TMC1: variants seen among roughly 807,000 people sequenced by gnomAD.
TMC1 encodes transmembrane channel-like protein 1.
In TMC1, 84 loss-of-function variants were observed where a neutral mutation model predicts 105.8. That is an observed-to-expected ratio of 0.79 (90% CI 0.67 to 0.95). TMC1 has a LOEUF of 0.95. Among genes scored for constraint, TMC1 ranks in the 40% least tolerant of loss-of-function variants. TMC1 has a pLI of 0.00. For missense variants in TMC1, 817 were observed against 914.1 expected (o/e 0.89, Z 1.37); for synonymous variants, 315 against 311.5 (o/e 1.01, Z -0.12).
intron 3 of TMC1, among the ~76,000 whole-genome samples, chr9:72,622,840 C>T (rs1251868022): frequency 6.6e-6 from 1 of 151,972 alleles, no homozygotes. Flanking sequence ...CACCTGAGGT[C>T]AGGAGTTTAA....
At chr9:72,814,239 C>A (rs1224716774) in intron 18 of TMC1, among the ~76,000 whole-genome samples, 2 of 152,144 alleles carry the variant, frequency 1.3e-5, no homozygotes, top group Non-Finnish European at 2.9e-5. Context: ...TACGGGCCAA[C>A]CGAGTAAGCA....
Position 72,648,678 on chromosome 9 carries a change from C to A in TMC1, c.16+14C>A, listed in dbSNP as rs1390422060. The A allele has an allele frequency of 6.2e-7, 1 of 1,608,740 alleles. No homozygotes were observed. The highest frequency in any genetic ancestry group is 1.7e-5 in the Admixed American group (1 of 60,006). On this transcript the variant is annotated intron_variant, in intron 5 of 23. Transcript: ENST00000297784. ...CACCCAAAAAAGGTATTTACAAAAT[C>A]AAGACTGTCTGTAGGACACTATGTC...
chr9:72,803,192 A>G (rs1218898713), intron 17 of TMC1, among the ~76,000 whole-genome samples: 1 of 152,220 alleles, frequency 6.6e-6, no homozygotes, highest in Non-Finnish European at 1.5e-5. Context: ...CAGAAAATTG[A>G]AATGGGACCC....
intron 8 of TMC1, among the ~76,000 whole-genome samples, chr9:72,720,448 T>C (rs1182035640): frequency 6.6e-6 from 1 of 152,202 alleles, no homozygotes. Flanking sequence ...GGACCACACT[T>C]CTGTATCCTG....
chr9:72,708,721 A>C (rs1826785431), intron 8 of TMC1, among the ~76,000 whole-genome samples: 1 of 151,992 alleles, frequency 6.6e-6, no homozygotes, highest in Non-Finnish European at 1.5e-5. Flanking sequence ...AAACAGTGAC[A>C]GTTTCACCTC....
At chr9:72,721,237 C>T (rs1490087186) in intron 8 of TMC1, among the ~76,000 whole-genome samples, 1 of 152,138 alleles carries the variant, frequency 6.6e-6, no homozygotes, top group African/African-American at 2.4e-5. Context: ...GTTCCTCCTC[C>T]CCTTTCCTGC....
At chr9:72,624,195 A>G (rs1348461161) in intron 3 of TMC1, among the ~76,000 whole-genome samples, 1 of 152,116 alleles carries the variant, frequency 6.6e-6, no homozygotes, top group East Asian at 1.9e-4. Flanking sequence ...CTCAAATATG[A>G]CCATGCATAG....
rs1470896062 is a variant in TMC1, at chr9:72,789,321, C to T, written c.1224+4C>T. 9 of 1,613,098 alleles carry T rather than the reference C, an allele frequency of 5.6e-6. No individual in the cohort carries two copies. The highest frequency in any genetic ancestry group is 1.6e-4 in the Middle Eastern group (1 of 6,078). ...TGGGTGGTGGGAAAAAAATGAAGTT[C>T]GTCTCTGCATGCTTTTTATGTGCTT... On this transcript the variant is annotated splice_donor_region_variant and intron_variant, in intron 15 of 23. Transcript: ENST00000297784.
intron 21 of TMC1, among the ~76,000 whole-genome samples, chr9:72,829,309 T>G (rs146304763): frequency 1.2e-4 from 18 of 152,356 alleles, no homozygotes; most frequent in Admixed American, 1.2e-3. Flanking sequence ...GTTAGTTCTC[T>G]GCAGGCAGTT....
At chr9:72,600,313 CCT>C (rs1216889468) in intron 2 of TMC1, among the ~76,000 whole-genome samples, 1 of 152,148 alleles carries the variant, frequency 6.6e-6, no homozygotes, top group Non-Finnish European at 1.5e-5. Context: ...GTGTCACGTG[CCT>C]ATACTAGCTT....
chr9:72,784,283 T>A (rs1354649661), intron 13 of TMC1, among the ~76,000 whole-genome samples: 1 of 152,092 alleles, frequency 6.6e-6, no homozygotes, highest in African/African-American at 2.4e-5. Flanking sequence ...AACAGACACT[T>A]CTCAAAAGAA....
chr9:72,656,287 T>C (rs1825883970), intron 5 of TMC1: 1 of 251,058 alleles, frequency 4.0e-6, no homozygotes, highest in Admixed American at 4.4e-5. Context: ...CCACAACACC[T>C]ACGACCACCT....
chr9:72,818,172 C>A (rs1365293725), intron 19 of TMC1, among the ~76,000 whole-genome samples: 3 of 152,118 alleles, frequency 2.0e-5, no homozygotes, highest in African/African-American at 4.8e-5. Flanking sequence ...AATGCCTGAG[C>A]TTAACCATTT....
intron 8 of TMC1, among the ~76,000 whole-genome samples, chr9:72,712,617 T>G (rs1205166884): frequency 6.6e-6 from 1 of 152,222 alleles, no homozygotes; most frequent in Non-Finnish European, 1.5e-5. Context: ...ACATTGATTT[T>G]GTATCCTGAG....
At chr9:72,533,483 G>A (rs1057421628) in intron 1 of TMC1, among the ~76,000 whole-genome samples, 70 of 152,272 alleles carry the variant, frequency 4.6e-4, no homozygotes, top group Non-Finnish European at 2.1e-4. Flanking sequence ...GTGTCTCCCA[G>A]CAACCACCAG....
intron 8 of TMC1, among the ~76,000 whole-genome samples, chr9:72,738,747 T>A (rs1221970936): frequency 1.3e-5 from 2 of 152,118 alleles, no homozygotes; most frequent in Non-Finnish European, 2.9e-5. Flanking sequence ...GTTGACTTTA[T>A]ATGTTAATAG....
chr9:72,818,241 C>A (rs1164003451), intron 19 of TMC1, among the ~76,000 whole-genome samples: 3 of 152,144 alleles, frequency 2.0e-5, no homozygotes, highest in African/African-American at 7.2e-5. Context: ...TGGCTTGTGA[C>A]TGGAGATATT....
intron 4 of TMC1, among the ~76,000 whole-genome samples, chr9:72,637,334 C>T (rs1046957238): frequency 2.0e-5 from 3 of 151,732 alleles, no homozygotes; most frequent in Admixed American, 2.0e-4. Context: ...CCAAAACTCT[C>T]CTACTCTATA....
chr9:72,650,944 A>G (rs1825804535), intron 5 of TMC1, among the ~76,000 whole-genome samples: 1 of 143,934 alleles, frequency 6.9e-6, no homozygotes, highest in Non-Finnish European at 1.5e-5. Context: ...AGGTATATAT[A>G]TGTCACATAT....
Sources: gnomAD v4.1 joint callset for allele counts (sites outside exome capture counted in the v4.1 genomes callset) on GRCh38, gnomAD v4.1.1 for gene constraint, MANE v1.5 for transcripts, NCBI Gene and HGNC (gene_info 2026-07-23, HGNC 2026-07-21) for gene names.